RNF213: variants seen among roughly 807,000 people sequenced by gnomAD.
RNF213 encodes E3 ubiquitin-protein ligase RNF213.
Under a neutral mutation model 514.4 loss-of-function variants are expected in RNF213, and 341 were observed. The ratio of observed to expected loss-of-function variants is 0.66; its 90% CI spans 0.61 to 0.73. RNF213 has a LOEUF of 0.73. Ranked by LOEUF, RNF213 falls within the 30% of genes least tolerant of loss-of-function variation. The probability of loss-of-function intolerance (pLI) is 0.00; values close to 1 mark genes in which losing one functional copy is unlikely to be tolerated. For synonymous variants in RNF213, 2,655 were observed against 2,658.2 expected, an observed-to-expected ratio of 1.00 and a Z score of 0.04; for missense variants, 5,767 against 6,615.6, an observed-to-expected ratio of 0.87 and a Z score of 4.45.
chr17:80,280,656 T>C (rs113032585), intron 3 of RNF213, among the ~76,000 whole-genome samples: 2 of 151,950 alleles, frequency 1.3e-5, no homozygotes, highest in African/African-American at 4.8e-5. Flanking sequence ...GGTCTTGCTG[T>C]GTTACCCACG....
Position 80,352,594 on chromosome 17 carries a change from C to G in RNF213, c.10304-346C>G, listed in dbSNP as rs564237587. 109 of 566,666 alleles carry G rather than the reference C, an allele frequency of 1.9e-4. 2 individuals are homozygous for G. In the South Asian group the frequency reaches 2.4e-3, roughly 12 times the overall value. 35.1% of individuals were successfully genotyped at this position (566,666 alleles called of 1,614,324 possible). A position where few individuals can be genotyped will look rare whatever the true frequency, so the allele number is the denominator to read the frequency against. On this transcript the variant is annotated intron_variant, in intron 32 of 67. Transcript: ENST00000582970. ...AATTTCGTGGAGAATGGAAGGCAGA[C>G]CTTGCCAGTGTCCCCCACCCCTCAC... is the stretch of plus-strand genomic sequence containing the variant.
chr17:80,279,817 A>C (rs1050514946), intron 3 of RNF213, among the ~76,000 whole-genome samples: 8 of 152,312 alleles, frequency 5.3e-5, no homozygotes, highest in African/African-American at 1.9e-4. Flanking sequence ...AGGACTCACT[A>C]ATAATATCAA....
At chr17:80,287,081 C>T (rs2044498035) in intron 3 of RNF213, among the ~76,000 whole-genome samples, 1 of 152,152 alleles carries the variant, frequency 6.6e-6, no homozygotes, top group South Asian at 2.1e-4. Flanking sequence ...CAAAACCAGG[C>T]CAGGCACGGT....
intron 64 of RNF213, 115 bp downstream of exon 64, chr17:80,388,804 T>C: frequency 1.2e-6 from 1 of 847,960 alleles, no homozygotes; most frequent in South Asian, 1.3e-5. Flanking sequence ...GCCCACAGTT[T>C]CTGCGGCCTC....
At chr17:80,281,786 G>T (rs972722865) in intron 3 of RNF213, among the ~76,000 whole-genome samples, 8 of 152,198 alleles carry the variant, frequency 5.3e-5, no homozygotes, top group Admixed American at 2.6e-4. Context: ...ATCCAAGGAT[G>T]CCCAGTCCCA....
At chr17:80,272,289 A>C (rs1422405823) in intron 2 of RNF213, among the ~76,000 whole-genome samples, 1 of 152,204 alleles carries the variant, frequency 6.6e-6, no homozygotes, top group Non-Finnish European at 1.5e-5. Context: ...GTCTCAAAAA[A>C]AATAATAAAA....
rs1169131986 is a variant in RNF213 at position 80,319,318 on chromosome 17, C to A, written c.3024+6C>A. On this transcript the variant is annotated splice_donor_region_variant and intron_variant, in intron 17 of 67. Transcript: ENST00000582970. ...CCGTGAGCTCAGCCTGCCAGGTGAA[C>A]AATCTCTCCTCCTGGGAAACGGATT... 13 of 1,614,174 alleles carry A rather than the reference C, an allele frequency of 8.1e-6. No individual in the cohort carries two copies. Among genetic ancestry groups the A allele is most frequent in the Non-Finnish European group, 1.1e-5 (13 of 1,180,042 alleles).
chr17:80,355,451 C>CAGG (rs2078726655), intron 36 of RNF213, among the ~76,000 whole-genome samples: 8 of 42,046 alleles, frequency 1.9e-4, no homozygotes, highest in African/African-American at 3.3e-4. Context: ...TCGGGGCTCA[C>CAGG]GGAGGAAGAG....
Position 80,375,854 on chromosome 17 carries a change from T to TC in RNF213, c.13171dup (p.His4391ProfsTer8). On this transcript the variant is annotated frameshift_variant, in exon 51 of 68. Coordinates refer to ENST00000582970, the MANE Select transcript of RNF213 (RefSeq NM_001256071.3). LOFTEE classifies it high-confidence loss of function. The stretch of plus-strand genomic sequence containing the variant: ...TTGTACAGATCCCACAATGCAAGCC[T>TC]CCACCCCACGCCAGAGGTGAGTAAC... 1 of 1,612,620 alleles carries TC rather than the reference T, an allele frequency of 6.2e-7. No homozygotes were observed. Among genetic ancestry groups the TC allele is most frequent in the Non-Finnish European group, 8.5e-7 (1 of 1,178,614 alleles).
chr17:80,380,960 GCTT>G lies in RNF213; in HGVS notation c.13773_13775del (p.Leu4592del). Reference sequence around the variant, plus strand: ...TCCGGCTACTCACTCACTTGGCTCTGCTTCTGGGAGCGTCCCAGAGTTCCCAGG... The same window carrying G: ...TCCGGCTACTCACTCACTTGGCTCTGCTGGGAGCGTCCCAGAGTTCCCAGG... On this transcript the variant is annotated inframe_deletion, in exon 56 of 68. Transcript: ENST00000582970. The G allele has an allele frequency of 6.2e-7, 1 of 1,614,226 alleles. No homozygotes were observed. The highest frequency in any genetic ancestry group is 8.5e-7 in the Non-Finnish European group (1 of 1,180,042).
intron 11 of RNF213, among the ~76,000 whole-genome samples, chr17:80,303,992 A>G (rs778001640): frequency 1.7e-4 from 26 of 150,536 alleles, no homozygotes; most frequent in Non-Finnish European, 3.4e-4. Flanking sequence ...AACAGTCAAT[A>G]TAGTCAGACC....
chr17:80,380,621 C>T (rs557109167), intron 55 of RNF213, among the ~76,000 whole-genome samples: 4 of 152,266 alleles, frequency 2.6e-5, no homozygotes, highest in East Asian at 1.9e-4. Context: ...AGCCACCTGA[C>T]GCTGAGAATG....
rs2044560857 is a variant in RNF213 at position 80,288,561 on chromosome 17, C to T, written c.811-72C>T. On this transcript the variant is annotated intron_variant, in intron 4 of 67. Coordinates refer to ENST00000582970, the MANE Select transcript of RNF213 (RefSeq NM_001256071.3). The surrounding 1 kb of genome is among the most constrained non-coding windows in gnomAD (Gnocchi z 4.9). Reference sequence around the variant, plus strand: ...TCCCTCGGCTTGTGGCAGATGCTGCCCCTTAAACCATTGAGTCGGAGTCAC... The same window carrying T: ...TCCCTCGGCTTGTGGCAGATGCTGCTCCTTAAACCATTGAGTCGGAGTCAC... The T allele has an allele frequency of 2.5e-6, 4 of 1,613,434 alleles. No individual in the cohort carries two copies. The highest frequency in any genetic ancestry group is 3.4e-6 in the Non-Finnish European group (4 of 1,179,824).
chr17:80,348,659 T>C (rs919406274), intron 29 of RNF213, among the ~76,000 whole-genome samples: 2 of 152,218 alleles, frequency 1.3e-5, no homozygotes, highest in African/African-American at 2.4e-5. Context: ...CAATATCATA[T>C]GATAAATGCT....
At chr17:80,286,450 G>A (rs2044475120) in intron 3 of RNF213, among the ~76,000 whole-genome samples, 1 of 152,146 alleles carries the variant, frequency 6.6e-6, no homozygotes, top group South Asian at 2.1e-4. Flanking sequence ...TGGAAGCCCT[G>A]GGATGCAGCC....
rs2078442764 is a variant in RNF213, at chr17:80,349,917, C to CT, written c.10088+12dup. ...CCTCAAAGAAGTCCGGTGAGGTTCC[C>CT]TGCCTTCCCTGCTGCCCTCTCCCTC... On this transcript the variant is annotated intron_variant, in intron 30 of 67. Transcript: ENST00000582970. 1 of 1,612,768 alleles carries CT rather than the reference C, an allele frequency of 6.2e-7. No individual in the cohort carries two copies. Among genetic ancestry groups the CT allele is most frequent in the Non-Finnish European group, 8.5e-7 (1 of 1,179,820 alleles).
Position 80,390,031 on chromosome 17 carries a change from G to A in RNF213, c.15305G>A (p.Ser5102Asn), listed in dbSNP as rs1001041165. The stretch of plus-strand genomic sequence containing the variant: ...TTTTAGGAGCCATTTGGGGAAATCA[G>A]TTCAAGGTACAAAGCGGATCTGAGC... ...RLHKEPFGEI[S>N]SRYKADLSPE... Residue 5102 changes from serine to asparagine, a missense_variant, in exon 67 of 68, where the codon AGT becomes AAT. Ser to Asn is a conservative substitution (Grantham distance 46). This residue lies in a region of RNF213 where 1,245 missense variants were observed against 1,339.0 expected (regional missense o/e 0.93). Coordinates refer to ENST00000582970, the MANE Select transcript of RNF213 (RefSeq NM_001256071.3). 2.5e-6 allele frequency: 4 copies of A among 1,614,240 alleles called. No individual in the cohort carries two copies. The highest frequency in any genetic ancestry group is 2.5e-6 in the Non-Finnish European group (3 of 1,180,050).
At chr17:80,376,758 A>G (rs531052494) in intron 52 of RNF213, 124 bp from the exon 53 acceptor site, 1 of 1,114,296 alleles carries the variant, frequency 9.0e-7, no homozygotes, top group South Asian at 1.3e-5. Context: ...CTTCACAGAC[A>G]GCTTGAGAAG....
Position 80,353,973 on chromosome 17 carries a change from C to CG in RNF213, c.10579-46_10579-45insG. The CG allele has an allele frequency of 3.7e-6, 6 of 1,612,640 alleles. No homozygotes were observed. The highest frequency in any genetic ancestry group is 5.1e-6 in the Non-Finnish European group (6 of 1,179,572). On this transcript the variant is annotated intron_variant, in intron 34 of 67. Coordinates refer to ENST00000582970, the MANE Select transcript of RNF213 (RefSeq NM_001256071.3). This position sits in a 1 kb window ranked among gnomAD's most constrained non-coding sequence, Gnocchi z 5.0. ...ATACGGGCGGTTTGGCTTTTGCCCA[C>CG]TGTGTCAGTGGCAGAAACGGATGAC...
Sources: allele counts gnomAD v4.1 joint callset (sites outside exome capture counted in the v4.1 genomes callset), GRCh38; gene constraint gnomAD v4.1.1; regional missense constraint gnomAD v4.1.1; non-coding constraint Gnocchi (gnomAD v3.1); transcripts MANE v1.5; gene names NCBI Gene and HGNC (gene_info 2026-07-23, HGNC 2026-07-21).